TSLP: variants seen among roughly 807,000 people sequenced by gnomAD.
TSLP encodes thymic stromal lymphopoietin.
TSLP carries 12 observed loss-of-function variants against 12.4 expected under a neutral mutation model. That is an observed-to-expected ratio of 0.97 (90% CI 0.62 to 1.57). The LOEUF (loss-of-function observed/expected upper bound fraction) is 1.57, where lower values mean the gene tolerates loss of function less well. Among genes scored for constraint, TSLP ranks in the 40% most tolerant of loss-of-function variants. The pLI is 0.00. For missense variants in TSLP, 222 were observed against 189.6 expected, an observed-to-expected ratio of 1.17 and a Z score of -1.00; for synonymous variants, 97 against 69.5, an observed-to-expected ratio of 1.40 and a Z score of -1.97.
chr5:111,075,629 T>C (rs770985712), intron 3 of TSLP, among the ~76,000 whole-genome samples: 1 of 152,154 alleles, frequency 6.6e-6, no homozygotes, highest in African/African-American at 2.4e-5. Flanking sequence ...TGATGCAATA[T>C]AAAGAAAAGC....
intron 1 of TSLP, 29 bp from the exon 2 acceptor site, chr5:111,072,859 C>A (rs747531628): frequency 6.2e-7 from 1 of 1,612,928 alleles, no homozygotes; most frequent in South Asian, 1.1e-5. Flanking sequence ...AAGTCTTTAC[C>A]CTCTTTGTCC....
At chr5:111,074,312 A>G (rs1287829444) in intron 3 of TSLP, among the ~76,000 whole-genome samples, 1 of 152,156 alleles carries the variant, frequency 6.6e-6, no homozygotes, top group East Asian at 1.9e-4. Context: ...TGGCCCTATA[A>G]CTTCTGTGAA....
In TSLP at chr5:111,076,278, G is replaced by T; in HGVS notation, c.*204G>T. 1 of 573,180 alleles carries T rather than the reference G, an allele frequency of 1.7e-6. No homozygotes were observed. Among genetic ancestry groups the T allele is most frequent in the South Asian group, 2.3e-5 (1 of 43,674 alleles). 35.5% of individuals were successfully genotyped at this position (573,180 alleles called of 1,614,324 possible). ...TACTACTCCTCAAATGTTGAGGGAA[G>T]CTTCCATAACATTGATGACTGGCTT... On this transcript the variant is annotated 3_prime_UTR_variant, in exon 4 of 4. Coordinates refer to ENST00000344895, the MANE Select transcript of TSLP (RefSeq NM_033035.5).
Position 111,071,758 on chromosome 5 carries a change from C to T in TSLP, c.-133C>T. 3 of 1,275,700 alleles carry T rather than the reference C, an allele frequency of 2.4e-6. No homozygotes were observed. The highest frequency in any genetic ancestry group is 3.3e-6 in the Non-Finnish European group (3 of 916,246). 79.0% of individuals were successfully genotyped at this position (1,275,700 alleles called of 1,614,324 possible). On this transcript the variant is annotated 5_prime_UTR_variant, in exon 1 of 4. Transcript: ENST00000344895. ...AGGCAACAGCATGGGTGAATAAGGGCTTCCTGTGGACTGGCAATGAGAGGC... is the reference window on the plus strand; with the variant it reads ...AGGCAACAGCATGGGTGAATAAGGGTTTCCTGTGGACTGGCAATGAGAGGC...
chr5:111,074,417 TA>T, intron 3 of TSLP, among the ~76,000 whole-genome samples: 1 of 152,178 alleles, frequency 6.6e-6, no homozygotes, highest in Non-Finnish European at 1.5e-5. Flanking sequence ...TTCTGAGGAT[TA>T]AATTAGTCAA....
At chr5:111,072,509 T>C (rs1342462306) in intron 1 of TSLP, among the ~76,000 whole-genome samples, 1 of 152,220 alleles carries the variant, frequency 6.6e-6, no homozygotes, top group Non-Finnish European at 1.5e-5. Flanking sequence ...GAATTTTTTT[T>C]AACATACAGT....
chr5:111,071,692 G>A, upstream of TSLP: 1 of 1,249,794 alleles, frequency 8.0e-7, no homozygotes, highest in Non-Finnish European at 1.1e-6. Flanking sequence ...GTTATATAGT[G>A]CAGCCAGAAA....
rs369148982 is a variant in TSLP, at chr5:111,072,942, G to C, written c.216+10G>C. On this transcript the variant is annotated intron_variant, in intron 2 of 3. Coordinates refer to ENST00000344895, the MANE Select transcript of TSLP (RefSeq NM_033035.5). Reference sequence around the variant, plus strand: ...CTCTTGTAGCAATCGGGTGAGTAGAGAGTTCAGTGCTGCTGGCTTTCTCCA... The same window carrying C: ...CTCTTGTAGCAATCGGGTGAGTAGACAGTTCAGTGCTGCTGGCTTTCTCCA... 6.8e-6 allele frequency: 11 copies of C among 1,614,086 alleles called. No homozygotes were observed. Among genetic ancestry groups the C allele is most frequent in the Admixed American group, 1.7e-5 (1 of 60,010 alleles).
intron 3 of TSLP, among the ~76,000 whole-genome samples, chr5:111,075,412 G>A (rs1322001513): frequency 6.6e-6 from 1 of 152,082 alleles, no homozygotes; most frequent in Non-Finnish European, 1.5e-5. Flanking sequence ...TGGGGAGCAG[G>A]AGCATGCATT....
Position 111,075,992 on chromosome 5 carries a change from C to T in TSLP, c.398C>T (p.Thr133Ile). The change falls in exon 4 of 4, where the codon ACA (threonine) becomes ATA (isoleucine). Residue 133 changes from threonine (T) to isoleucine (I), a missense_variant. Physicochemically the swap from Thr to Ile is moderately conservative, Grantham distance 89 (BLOSUM62 -1). Transcript: ENST00000344895. Reference sequence around the variant, plus strand: ...AAGAAGAGGAGAAAAAGGAAAGTCACAACCAATAAATGTCTGGAACAAGTG... The same window carrying T: ...AAGAAGAGGAGAAAAAGGAAAGTCATAACCAATAAATGTCTGGAACAAGTG... ...AMKKRRKRKV[T>I]TNKCLEQVSQ... 6.2e-7 allele frequency: 1 copy of T among 1,614,024 alleles called. No individual in the cohort carries two copies. The highest frequency in any genetic ancestry group is 8.5e-7 in the Non-Finnish European group (1 of 1,179,958).
At chr5:111,073,083 G>T in intron 2 of TSLP, 151 bp downstream of exon 2, 1 of 999,006 alleles carries the variant, frequency 1.0e-6, no homozygotes, top group Non-Finnish European at 1.5e-6. Context: ...CTGTCAGAGC[G>T]GGGCTGCGCC....
chr5:111,071,211 T>C, upstream of TSLP: 1 of 393,080 alleles, frequency 2.5e-6, no homozygotes. Flanking sequence ...ATGGAAGTGC[T>C]GTCGAAGACT....
upstream of TSLP, chr5:111,071,263 C>G: frequency 1.9e-6 from 1 of 524,704 alleles, no homozygotes; most frequent in Non-Finnish European, 3.2e-6. Flanking sequence ...TAAGCAAGCA[C>G]AGTTTCTTAC....
Position 111,076,088 on chromosome 5 carries a change from T to G in TSLP, c.*14T>G. ...AAACAACAGTAAACCATCTTTATTA[T>G]GGTCATATTTCACAGCACCAAAATA... On this transcript the variant is annotated 3_prime_UTR_variant, in exon 4 of 4. Coordinates refer to ENST00000344895, the MANE Select transcript of TSLP (RefSeq NM_033035.5). 1 of 1,613,382 alleles carries G rather than the reference T, an allele frequency of 6.2e-7. No individual in the cohort carries two copies. Among genetic ancestry groups the G allele is most frequent in the Middle Eastern group, 1.6e-4 (1 of 6,062 alleles).
At chr5:111,071,658 A>T (rs536694364), upstream of TSLP, 38 of 1,395,356 alleles carry the variant, frequency 2.7e-5, no homozygotes, top group Non-Finnish European at 2.8e-5. Context: ...GGCCTAGGAG[A>T]AAAGAGCCCG....
At position 111,071,813 on chromosome 5, in the gene TSLP, A is replaced by AG; in HGVS notation, c.-76dup. The AG allele has an allele frequency of 6.5e-7, 1 of 1,538,304 alleles. No homozygotes were observed. Among genetic ancestry groups the AG allele is most frequent in the Non-Finnish European group, 8.8e-7 (1 of 1,130,224 alleles). ...CCTGGTGCTTGAGCACTGGCCCCTA[A>AG]GGCAGGCCTTACAGATCTCTTACAC... On this transcript the variant is annotated 5_prime_UTR_variant, in exon 1 of 4. Transcript: ENST00000344895.
chr5:111,071,452 T>C, upstream of TSLP: 2 of 1,532,000 alleles, frequency 1.3e-6, no homozygotes, highest in Non-Finnish European at 1.8e-6. Flanking sequence ...AGAAAGACAC[T>C]GGTATCCGTT....
intron 3 of TSLP, among the ~76,000 whole-genome samples, chr5:111,073,951 G>A (rs916932672): frequency 2.0e-5 from 3 of 152,144 alleles, no homozygotes; most frequent in Non-Finnish European, 2.9e-5. Flanking sequence ...ATAAGAGTAT[G>A]GCTGCTAAAA....
At chr5:111,075,369 C>T (rs1409637885) in intron 3 of TSLP, among the ~76,000 whole-genome samples, 1 of 151,948 alleles carries the variant, frequency 6.6e-6, no homozygotes, top group Non-Finnish European at 1.5e-5. Context: ...GTCTGTGACA[C>T]ATCTAGACAA....
Sources: gnomAD v4.1 joint callset for allele counts (sites outside exome capture counted in the v4.1 genomes callset) on GRCh38, gnomAD v4.1.1 for gene constraint, MANE v1.5 for transcripts, NCBI Gene and HGNC (gene_info 2026-07-23, HGNC 2026-07-21) for gene names.